MYCBP2: variants seen among roughly 807,000 people sequenced by gnomAD.
The protein encoded by MYCBP2 is E3 ubiquitin-protein ligase MYCBP2.
MYCBP2 carries 120 observed loss-of-function variants against 525.3 expected under a neutral mutation model. The ratio of observed to expected loss-of-function variants is 0.23; its 90% CI spans 0.20 to 0.27. The LOEUF is 0.27. Among genes scored for constraint, MYCBP2 ranks in the 10% least tolerant of loss-of-function variants. The pLI, the probability that MYCBP2 is intolerant of heterozygous loss-of-function variation, is 1.00. For missense variants in MYCBP2, 4,149 were observed against 5,657.1 expected (o/e 0.73, Z 8.55); for synonymous variants, 1,894 against 1,955.8 (o/e 0.97, Z 0.83).
chr13:77,168,707 G>T (rs1045860899), intron 39 of MYCBP2, 61 bp from the exon 40 acceptor site: 3 of 1,437,214 alleles, frequency 2.1e-6, no homozygotes, highest in Non-Finnish European at 2.9e-6. Flanking sequence ...CTAAAATTAT[G>T]CATTACAATA....
Position 77,087,491 on chromosome 13 carries a change from GAA to G in MYCBP2, c.10866_10867del (p.Ser3623ArgfsTer10). 1 of 1,609,252 alleles carries G rather than the reference GAA, an allele frequency of 6.2e-7. No homozygotes were observed. Among genetic ancestry groups the G allele is most frequent in the Non-Finnish European group, 8.5e-7 (1 of 1,177,200 alleles). On this transcript the variant is annotated frameshift_variant, in exon 62 of 83. Coordinates refer to ENST00000544440, the MANE Select transcript of MYCBP2 (RefSeq NM_015057.5). LOFTEE classifies it high-confidence loss of function. The stretch of plus-strand genomic sequence containing the variant: ...AACAAAAATTTCATTTACTTGTTCT[GAA>G]TTTTCTTTGCTTGTTTTATTTTCTT...
chr13:77,217,819 A>G, intron 21 of MYCBP2, 21 bp downstream of exon 21: 1 of 1,471,554 alleles, frequency 6.8e-7, no homozygotes, highest in Non-Finnish European at 9.4e-7. Context: ...CAATATTATT[A>G]ATGTTTTAAA....
chr13:77,090,248 G>C lies in MYCBP2; in HGVS notation c.10383C>G (p.Pro3461=), dbSNP rs759605381. The change falls in exon 60 of 83, where the codon CCC becomes CCG. Residue 3461 remains proline (P), a synonymous_variant. Coordinates refer to ENST00000544440, the MANE Select transcript of MYCBP2 (RefSeq NM_015057.5). The stretch of plus-strand genomic sequence containing the variant: ...TCTTTGCAAGATCAGTATCAGTTAT[G>C]GGACTGGTTTCTAAACTGTACATGG... The part of the protein sequence containing the change: ...KSMPPSLETS[P]ITDTDLAKRT... 1 of 1,611,250 alleles carries C rather than the reference G, an allele frequency of 6.2e-7. No individual in the cohort carries two copies. Among genetic ancestry groups the C allele is most frequent in the East Asian group, 2.2e-5 (1 of 44,690 alleles).
At chr13:77,051,638 C>T (rs576913457) in intron 81 of MYCBP2, among the ~76,000 whole-genome samples, 173 bp downstream of exon 81, 4 of 151,988 alleles carry the variant, frequency 2.6e-5, no homozygotes, top group Admixed American at 2.0e-4. Context: ...ATAAAAATAT[C>T]GCCCAAAGGA....
intron 58 of MYCBP2, among the ~76,000 whole-genome samples, chr13:77,094,801 T>C (rs2154124637): frequency 6.6e-6 from 1 of 152,308 alleles, no homozygotes; most frequent in South Asian, 2.1e-4. Context: ...CCATCTTTTA[T>C]GCTCTAACAG....
chr13:77,061,922 A>G, intron 74 of MYCBP2, 132 bp from the exon 75 acceptor site: 1 of 930,476 alleles, frequency 1.1e-6, no homozygotes, highest in Non-Finnish European at 1.5e-6. Context: ...TCTGAATATT[A>G]AACAGAATTA....
intron 18 of MYCBP2, among the ~76,000 whole-genome samples, chr13:77,228,686 A>G (rs1311286251): frequency 9.2e-6 from 1 of 109,060 alleles, no homozygotes; most frequent in Non-Finnish European, 1.9e-5. Flanking sequence ...CCTAAGATGA[A>G]TATGTTGTGT....
chr13:77,201,237 G>T (rs1231566561), intron 26 of MYCBP2, among the ~76,000 whole-genome samples: 3 of 149,966 alleles, frequency 2.0e-5, no homozygotes, highest in Admixed American at 1.3e-4. Context: ...GGCAGGGGTT[G>T]CAATCCTAGT....
At chr13:77,071,794 A>G (rs2041345504) in intron 68 of MYCBP2, among the ~76,000 whole-genome samples, 3 of 152,226 alleles carry the variant, frequency 2.0e-5, no homozygotes, top group Admixed American at 1.3e-4. Flanking sequence ...GTGCACGTGG[A>G]CATTCACTAA....
At chr13:77,202,543 A>C (rs1291560598) in intron 26 of MYCBP2, among the ~76,000 whole-genome samples, 1 of 152,042 alleles carries the variant, frequency 6.6e-6, no homozygotes, top group East Asian at 1.9e-4. Context: ...AACTCATTTT[A>C]TGAGGCCAGC....
chr13:77,248,783 A>C (rs751137068), intron 15 of MYCBP2, among the ~76,000 whole-genome samples: 2 of 152,096 alleles, frequency 1.3e-5, no homozygotes, highest in Non-Finnish European at 2.9e-5. Flanking sequence ...AAAGAACTGA[A>C]AACAGGGTCT....
chr13:77,098,650 G>C lies in MYCBP2; in HGVS notation c.8504C>G (p.Ser2835Trp). The change falls in exon 56 of 83, where the codon TCG becomes TGG. Residue 2835 changes from serine to tryptophan, a missense_variant. Transcript: ENST00000544440. ...KTLPANRSSP[S>W]GASSPRSSSP... is the part of the protein sequence containing the mutation. Reference sequence around the variant, plus strand: ...GGAGGAGCGTGGAGAACTAGCACCCGATGGGCTAGACCTATTGGCTGGGAG... The same window carrying C: ...GGAGGAGCGTGGAGAACTAGCACCCCATGGGCTAGACCTATTGGCTGGGAG... 1 of 1,613,552 alleles carries C rather than the reference G, an allele frequency of 6.2e-7. No homozygotes were observed. Among genetic ancestry groups the C allele is most frequent in the Non-Finnish European group, 8.5e-7 (1 of 1,179,728 alleles).
chr13:77,300,910 G>A (rs748437114), intron 1 of MYCBP2, among the ~76,000 whole-genome samples: 1 of 152,174 alleles, frequency 6.6e-6, no homozygotes, highest in African/African-American at 2.4e-5. Context: ...TTCTTCCATG[G>A]GGGTAACTGC....
intron 42 of MYCBP2, 70 bp from the exon 43 acceptor site, chr13:77,164,611 G>A: frequency 1.1e-6 from 1 of 926,854 alleles, no homozygotes; most frequent in Non-Finnish European, 1.8e-6. Flanking sequence ...AACAAAATGT[G>A]ATTTGAATTC....
rs1566693831 is a variant in MYCBP2, at chr13:77,144,456, C to T, written c.7292G>A (p.Gly2431Asp). 4 of 1,609,256 alleles carry T rather than the reference C, an allele frequency of 2.5e-6. No individual in the cohort carries two copies. Among genetic ancestry groups the T allele is most frequent in the Non-Finnish European group, 2.6e-6 (3 of 1,176,042 alleles). Residue 2431 changes from glycine (G) to aspartate (D), a missense_variant, in exon 49 of 83, where the codon GGC becomes GAC. By Grantham distance (94) the Gly-to-Asp change is moderately conservative. Coordinates refer to ENST00000544440, the MANE Select transcript of MYCBP2 (RefSeq NM_015057.5). Reference protein sequence around the residue: ...GLYTLHVTIDGIEIDAGLEVK... With the variant: ...GLYTLHVTIDDIEIDAGLEVK... ...TTTAAAGAAAATACCGATTTCAATG[C>T]CATCAATGGTAACATGAAGAGTGTA...
chr13:77,149,564 C>T (rs1454528877), intron 47 of MYCBP2, among the ~76,000 whole-genome samples: 1 of 152,018 alleles, frequency 6.6e-6, no homozygotes. Flanking sequence ...TTCCTGAATC[C>T]TTTTCTTGAG....
chr13:77,210,121 A>C (rs1353405628), intron 23 of MYCBP2, among the ~76,000 whole-genome samples: 1 of 152,138 alleles, frequency 6.6e-6, no homozygotes, highest in Non-Finnish European at 1.5e-5. Flanking sequence ...TACACCTCCT[A>C]TTAGTATCCA....
At chr13:77,233,521 G>A (rs932348308) in intron 17 of MYCBP2, among the ~76,000 whole-genome samples, 2 of 146,420 alleles carry the variant, frequency 1.4e-5, no homozygotes, top group Non-Finnish European at 3.0e-5. Flanking sequence ...TTATTGTGTA[G>A]TTACTAATAG....
chr13:77,269,321 A>G lies in MYCBP2; in HGVS notation c.1260+671T>C, dbSNP rs530061316. Among the ~76,000 whole-genome samples the G allele has an allele frequency of 7.2e-5, 11 of 152,310 alleles. No homozygotes were observed. In the South Asian group the frequency reaches 1.9e-3, roughly 26 times the overall value. The stretch of plus-strand genomic sequence containing the variant: ...AGAAACCCTAATTTGGCCTCAGGAC[A>G]TGTATACATTTCCAATTTAAATGTG... On this transcript the variant is annotated intron_variant, in intron 7 of 82. Transcript: ENST00000544440.
Sources: gnomAD v4.1 joint callset for allele counts (sites outside exome capture counted in the v4.1 genomes callset) on GRCh38, gnomAD v4.1.1 for gene constraint, MANE v1.5 for transcripts, NCBI Gene and HGNC (gene_info 2026-07-23, HGNC 2026-07-21) for gene names.